CDH18: variants seen among roughly 807,000 people sequenced by gnomAD.
CDH18 encodes cadherin-18.
In CDH18, 31 loss-of-function variants were observed where a neutral mutation model predicts 67.9. That is an observed-to-expected ratio of 0.46 (90% CI 0.34 to 0.62). The LOEUF (loss-of-function observed/expected upper bound fraction) is 0.62, where lower values mean the gene tolerates loss of function less well. Among genes scored for constraint, CDH18 ranks in the 20% least tolerant of loss-of-function variants. CDH18 has a pLI of 0.01. For synonymous variants in CDH18, 362 were observed against 347.2 expected, an observed-to-expected ratio of 1.04 and a Z score of -0.48; for missense variants, 890 against 975.5, an observed-to-expected ratio of 0.91 and a Z score of 1.17.
intron 9 of CDH18, among the ~76,000 whole-genome samples, chr5:19,541,310 C>A (rs532534966): frequency 1.3e-5 from 2 of 150,840 alleles, no homozygotes; most frequent in Non-Finnish European, 2.9e-5. Context: ...TCCTGTCTTC[C>A]GAGCACTCCA....
chr5:20,556,794 A>G (rs1162062008), intron 1 of CDH18, among the ~76,000 whole-genome samples: 2 of 152,174 alleles, frequency 1.3e-5, no homozygotes, highest in African/African-American at 4.8e-5. Flanking sequence ...TGAAGGATTA[A>G]TATCAATTTG....
chr5:19,563,438 A>T (rs528575162), intron 8 of CDH18, among the ~76,000 whole-genome samples: 2 of 152,196 alleles, frequency 1.3e-5, no homozygotes, highest in East Asian at 3.9e-4. Flanking sequence ...AATGGTAACA[A>T]TTTAACAGTC....
At chr5:19,727,101 C>G (rs1279201178) in intron 4 of CDH18, among the ~76,000 whole-genome samples, 1 of 151,794 alleles carries the variant, frequency 6.6e-6, no homozygotes, top group Non-Finnish European at 1.5e-5. Context: ...TATGTGAGCC[C>G]AAATAAACTA....
chr5:19,542,872 C>A (rs1481782121), intron 9 of CDH18, among the ~76,000 whole-genome samples: 1 of 151,718 alleles, frequency 6.6e-6, no homozygotes, highest in East Asian at 1.9e-4. Context: ...ATTCTAGAAA[C>A]CATTGAGTTA....
At chr5:19,692,888 T>C (rs1422437680) in intron 5 of CDH18, among the ~76,000 whole-genome samples, 1 of 151,888 alleles carries the variant, frequency 6.6e-6, no homozygotes, top group Non-Finnish European at 1.5e-5. Flanking sequence ...CACTACTAGG[T>C]ATACATTTCC....
chr5:19,828,820 T>TA (rs1431160662), intron 3 of CDH18, among the ~76,000 whole-genome samples: 1 of 152,110 alleles, frequency 6.6e-6, no homozygotes, highest in African/African-American at 2.4e-5. Context: ...GAGGATCACT[T>TA]AAGGTCAGGA....
intron 1 of CDH18, among the ~76,000 whole-genome samples, chr5:20,406,405 G>A (rs1746256402): frequency 6.6e-6 from 1 of 151,662 alleles, no homozygotes; most frequent in African/African-American, 2.4e-5. Context: ...GACACAGGAA[G>A]GGGACCATCA....
chr5:20,085,105 C>T (rs1426903509), intron 2 of CDH18, among the ~76,000 whole-genome samples: 1 of 152,070 alleles, frequency 6.6e-6, no homozygotes, highest in East Asian at 1.9e-4. Context: ...GCTCTGCTTC[C>T]CTTATAAAAC....
intron 3 of CDH18, among the ~76,000 whole-genome samples, chr5:19,779,340 G>T (rs1288846382): frequency 6.6e-6 from 1 of 152,068 alleles, no homozygotes; most frequent in Non-Finnish European, 1.5e-5. Context: ...TTTTTCTAAT[G>T]AAGAAACCTA....
chr5:19,485,411 A>G (rs911696428), intron 11 of CDH18, among the ~76,000 whole-genome samples: 2 of 151,968 alleles, frequency 1.3e-5, no homozygotes, highest in African/African-American at 4.8e-5. Context: ...GCCTGCCAAC[A>G]TGCCTGGCTA....
chr5:19,960,581 G>A (rs1441740525), intron 2 of CDH18, among the ~76,000 whole-genome samples: 3,131 of 122,926 alleles, frequency 0.025, 302 homozygotes, highest in African/African-American at 0.13. Context: ...GTGTGTGTGT[G>A]TGTGTGTGTA....
At chr5:19,840,632 A>G (rs6891808) in intron 2 of CDH18, among the ~76,000 whole-genome samples, 122,859 of 151,986 alleles carry the variant, frequency 0.81, 51,665 homozygotes, top group Non-Finnish European at 0.92. Context: ...AACCCAGGAG[A>G]TGGGTGTTGC....
At chr5:20,114,659 C>A (rs1747744521) in intron 2 of CDH18, among the ~76,000 whole-genome samples, 1 of 152,084 alleles carries the variant, frequency 6.6e-6, no homozygotes, top group Non-Finnish European at 1.5e-5. Flanking sequence ...TGAGGGTATA[C>A]TCTAAGTTCC....
At chr5:19,530,805 T>C (rs902662404) in intron 9 of CDH18, among the ~76,000 whole-genome samples, 5 of 152,362 alleles carry the variant, frequency 3.3e-5, no homozygotes, top group Middle Eastern at 3.4e-3. Context: ...GGTGTATATG[T>C]ACCATATTTT....
chr5:20,572,740 A>C (rs1312127325), intron 1 of CDH18, among the ~76,000 whole-genome samples: 1 of 152,162 alleles, frequency 6.6e-6, no homozygotes, highest in Admixed American at 6.6e-5. Flanking sequence ...ATAAAAACAG[A>C]AGAGGTTGTA....
At chr5:19,822,259 G>A (rs2149952081) in intron 3 of CDH18, among the ~76,000 whole-genome samples, 1 of 152,224 alleles carries the variant, frequency 6.6e-6, no homozygotes, top group Non-Finnish European at 1.5e-5. Flanking sequence ...TAGGATCAAA[G>A]TAAAGGGATA....
chr5:20,329,368 T>G (rs915771651), intron 1 of CDH18, among the ~76,000 whole-genome samples: 2 of 152,176 alleles, frequency 1.3e-5, no homozygotes, highest in African/African-American at 4.8e-5. Flanking sequence ...TTGATCAAAC[T>G]AGACATGGCC....
chr5:19,963,620 G>T (rs977646603), intron 2 of CDH18, among the ~76,000 whole-genome samples: 2 of 152,150 alleles, frequency 1.3e-5, no homozygotes, highest in East Asian at 2.0e-4. Context: ...GGACATGTTT[G>T]CTTCCCCTTC....
chr5:19,673,912 T>G (rs1427806353), intron 5 of CDH18, among the ~76,000 whole-genome samples: 1 of 152,078 alleles, frequency 6.6e-6, no homozygotes, highest in African/African-American at 2.4e-5. Flanking sequence ...GTCCAAGCAG[T>G]CTTACTTCAC....
Sources: allele counts gnomAD v4.1 joint callset (sites outside exome capture counted in the v4.1 genomes callset), GRCh38; gene constraint gnomAD v4.1.1; transcripts MANE v1.5; gene names NCBI Gene and HGNC (gene_info 2026-07-23, HGNC 2026-07-21).